ST6GAL2: variants seen among roughly 807,000 people sequenced by gnomAD.
ST6GAL2 encodes the protein ST6 beta-galactoside alpha-2,6-sialyltransferase 2.
ST6GAL2 carries 24 observed loss-of-function variants against 37.5 expected under a neutral mutation model. That is an observed-to-expected ratio of 0.64 (90% CI 0.46 to 0.90). The LOEUF (loss-of-function observed/expected upper bound fraction) is 0.90, where lower values mean the gene tolerates loss of function less well. Among genes scored for constraint, ST6GAL2 ranks in the 40% least tolerant of loss-of-function variants. The pLI is 0.00. For synonymous variants in ST6GAL2, 306 were observed against 295.1 expected (o/e 1.04, Z -0.38); for missense variants, 715 against 712.7 (o/e 1.00, Z -0.04).
intron 1 of ST6GAL2, among the ~76,000 whole-genome samples, chr2:106,879,734 A>ATTATATATT (rs1678665015): frequency 4.8e-5 from 7 of 146,844 alleles, no homozygotes; most frequent in Admixed American, 4.1e-4. Context: ...TATATAGACC[A>ATTATATATT]ATTATATATT....
chr2:106,821,924 C>T (rs572901405), intron 5 of ST6GAL2, among the ~76,000 whole-genome samples: 108 of 152,078 alleles, frequency 7.1e-4, no homozygotes, highest in Non-Finnish European at 1.2e-3. Flanking sequence ...TCATTTCAAC[C>T]GATGCTGAAA....
Position 106,805,354 on chromosome 2 carries a change from C to G in ST6GAL2, c.*1324G>C, listed in dbSNP as rs2104404246. 6.6e-6 allele frequency: 1 copy of G among 152,294 alleles called. No homozygotes were observed. The highest frequency in any genetic ancestry group is 3.4e-3 in the Middle Eastern group (1 of 294). The allele number at this position is 152,294 out of a possible 1,614,324, so 9.4% of individuals were successfully genotyped here. ...GGTATTACAGAATGTTTCTGTTTCA[C>G]TATATTCATAGCAAAAATTTTTCAA... On this transcript the variant is annotated 3_prime_UTR_variant, in exon 6 of 6. Transcript: ENST00000409382.
intron 5 of ST6GAL2, among the ~76,000 whole-genome samples, chr2:106,820,599 A>G (rs1451317053): frequency 2.6e-5 from 4 of 152,102 alleles, no homozygotes; most frequent in East Asian, 3.8e-4. Context: ...ACAAAGAAAC[A>G]TTAGACTTAA....
intron 5 of ST6GAL2, among the ~76,000 whole-genome samples, chr2:106,810,649 T>C (rs1389886343): frequency 2.0e-5 from 3 of 152,152 alleles, no homozygotes; most frequent in Admixed American, 1.3e-4. Flanking sequence ...AAAAAAATAA[T>C]TTAAAACTCA....
rs1241122083 is a variant in ST6GAL2 at position 106,804,627 on chromosome 2, G to C, written c.*2051C>G. The C allele has an allele frequency of 6.6e-6, 1 of 152,112 alleles. No individual in the cohort carries two copies. Among genetic ancestry groups the C allele is most frequent in the African/African-American group, 2.4e-5 (1 of 41,406 alleles). The allele number at this position is 152,112 out of a possible 1,614,324, so 9.4% of individuals were successfully genotyped here. A position where few individuals can be genotyped will look rare whatever the true frequency, so the allele number is the denominator to read the frequency against. ...GAGGCCGAGGCAGGCAGATCACAAG[G>C]TCAGGAGATCGAGACCACCCTGGCT... On this transcript the variant is annotated 3_prime_UTR_variant, in exon 6 of 6. Transcript: ENST00000409382.
chr2:106,839,845 T>C (rs1160384912), intron 2 of ST6GAL2, among the ~76,000 whole-genome samples: 2 of 152,194 alleles, frequency 1.3e-5, no homozygotes, highest in African/African-American at 4.8e-5. Context: ...TGAAAACAGA[T>C]CATCTTATAA....
intron 5 of ST6GAL2, among the ~76,000 whole-genome samples, chr2:106,822,245 A>G (rs1400474449): frequency 6.6e-6 from 1 of 152,142 alleles, no homozygotes; most frequent in Non-Finnish European, 1.5e-5. Flanking sequence ...ACATGATCTT[A>G]TATTTGAAAA....
At chr2:106,881,548 T>G (rs1678751346) in intron 1 of ST6GAL2, among the ~76,000 whole-genome samples, 1 of 152,196 alleles carries the variant, frequency 6.6e-6, no homozygotes, top group South Asian at 2.1e-4. Context: ...CATTACACTT[T>G]CAAAGAAGCT....
rs1218362810 is a variant in ST6GAL2, at chr2:106,843,755, C to T, written c.223G>A (p.Asp75Asn). 6.2e-7 allele frequency: 1 copy of T among 1,610,218 alleles called. No homozygotes were observed. Among genetic ancestry groups the T allele is most frequent in the Non-Finnish European group, 8.5e-7 (1 of 1,178,156 alleles). The change falls in exon 2 of 6, where the codon GAC becomes AAC. Residue 75 changes from aspartate (D) to asparagine (N), a missense_variant. This residue lies in a region of ST6GAL2 where 512 missense variants were observed against 488.8 expected (regional missense o/e 1.05). Coordinates refer to ENST00000409382, the MANE Select transcript of ST6GAL2 (RefSeq NM_001142351.2). ...GCGCGGGGCAGCGCCTGGCGTGCGTCCAGGCCCCCAGGCGGGGAGGGCTCA... is the reference window on the plus strand; with the variant it reads ...GCGCGGGGCAGCGCCTGGCGTGCGTTCAGGCCCCCAGGCGGGGAGGGCTCA... The part of the protein sequence containing the change: ...AHEPSPPGGL[D>N]ARQALPRAHP...
chr2:106,885,526 G>GT (rs768282272), intron 1 of ST6GAL2, among the ~76,000 whole-genome samples: 1 of 152,106 alleles, frequency 6.6e-6, no homozygotes, highest in African/African-American at 2.4e-5. Flanking sequence ...GAGCCATTGA[G>GT]TTTAACTTCA....
At chr2:106,854,759 A>G (rs947866942) in intron 1 of ST6GAL2, among the ~76,000 whole-genome samples, 2 of 152,102 alleles carry the variant, frequency 1.3e-5, no homozygotes, top group African/African-American at 4.8e-5. Context: ...TAGTGTACCC[A>G]TCATTAAGTA....
chr2:106,806,910 A>T lies in ST6GAL2; in HGVS notation c.1358T>A (p.Val453Glu). ...IMMSMCREVH[V>E]YEYIPSVRQT... is the part of the protein sequence containing the mutation. ...CCGCACGGATGGGATATATTCATACACGTGCACCTCTCTGCACATGGACAT... is the reference window on the plus strand; with the variant it reads ...CCGCACGGATGGGATATATTCATACTCGTGCACCTCTCTGCACATGGACAT... The change falls in exon 6 of 6, where the codon GTG (valine) becomes GAG (glutamate). Residue 453 changes from valine to glutamate, a missense_variant. Val to Glu is a moderately radical substitution (Grantham distance 121). Transcript: ENST00000409382. 6.2e-7 allele frequency: 1 copy of T among 1,614,102 alleles called. No homozygotes were observed. The highest frequency in any genetic ancestry group is 8.5e-7 in the Non-Finnish European group (1 of 1,180,010).
At chr2:106,826,721 A>C (rs2104455617) in intron 5 of ST6GAL2, among the ~76,000 whole-genome samples, 1 of 152,354 alleles carries the variant, frequency 6.6e-6, no homozygotes, top group South Asian at 2.1e-4. Context: ...AAACTATGTC[A>C]GAGGGTTTAG....
chr2:106,834,267 G>C, intron 2 of ST6GAL2, 121 bp from the exon 3 acceptor site: 1 of 662,058 alleles, frequency 1.5e-6, no homozygotes, highest in Non-Finnish European at 2.7e-6. Context: ...ATAAAGTTAA[G>C]ATATGCCCAC....
At chr2:106,850,546 T>C (rs1453735143) in intron 1 of ST6GAL2, among the ~76,000 whole-genome samples, 1 of 152,180 alleles carries the variant, frequency 6.6e-6, no homozygotes, top group Admixed American at 6.5e-5. Context: ...AACCTTCTGC[T>C]GCCAATTGAG....
Position 106,832,616 on chromosome 2 carries a change from G to A in ST6GAL2, c.1092C>T (p.Asp364=), listed in dbSNP as rs141869591. Residue 364 remains aspartate, a synonymous_variant, in exon 4 of 6, where the codon GAC becomes GAT. Transcript: ENST00000409382. ...HHFIDSSLYK[D]VILVAWDPAP... is the part of the protein sequence containing the mutation. ...CAGGGTCCCAGGCCACCAAAATGAC[G>A]TCTTTATACAGTGAACTGTCAATGA... 55 of 1,610,810 alleles carry A rather than the reference G, an allele frequency of 3.4e-5. No individual in the cohort carries two copies. The highest frequency in any genetic ancestry group is 1.2e-4 in the African/African-American group (9 of 74,644).
At chr2:106,868,076 T>C (rs561003230) in intron 1 of ST6GAL2, among the ~76,000 whole-genome samples, 1 of 152,330 alleles carries the variant, frequency 6.6e-6, no homozygotes, top group Admixed American at 6.5e-5. Context: ...GCCAATTCTA[T>C]TTCTTTTAAT....
At chr2:106,847,506 T>G (rs1677190391) in intron 1 of ST6GAL2, among the ~76,000 whole-genome samples, 1 of 152,164 alleles carries the variant, frequency 6.6e-6, no homozygotes, top group Non-Finnish European at 1.5e-5. Flanking sequence ...GTAGACCCCA[T>G]GTGTTAAGGG....
chr2:106,814,242 G>T (rs1023605116), intron 5 of ST6GAL2, among the ~76,000 whole-genome samples: 5 of 152,124 alleles, frequency 3.3e-5, no homozygotes, highest in Non-Finnish European at 5.9e-5. Context: ...CAACAAAACT[G>T]TGACACATTT....
Sources: allele counts gnomAD v4.1 joint callset (sites outside exome capture counted in the v4.1 genomes callset), GRCh38; gene constraint gnomAD v4.1.1; regional missense constraint gnomAD v4.1.1; transcripts MANE v1.5; gene names NCBI Gene and HGNC (gene_info 2026-07-23, HGNC 2026-07-21).